Variants in SLC24A4 observed in about 807,000 individuals in gnomAD.
The protein encoded by SLC24A4 is solute carrier family 24 member 4.
In SLC24A4, 53 loss-of-function variants were observed where a neutral mutation model predicts 79.0. The observed-to-expected ratio is 0.67, with a 90% confidence interval of 0.54 to 0.84. The LOEUF is 0.84. Among genes scored for constraint, SLC24A4 ranks in the 40% least tolerant of loss-of-function variants. The pLI is 0.00. For missense variants in SLC24A4, 731 were observed against 822.0 expected (o/e 0.89, Z 1.35); for synonymous variants, 323 against 323.8 (o/e 1.00, Z 0.03).
At chr14:92,404,199 T>C (rs548431065) in intron 2 of SLC24A4, among the ~76,000 whole-genome samples, 1 of 152,366 alleles carries the variant, frequency 6.6e-6, no homozygotes, top group African/African-American at 2.4e-5. Context: ...TATGATCTAA[T>C]GCTACCATCG....
intron 2 of SLC24A4, among the ~76,000 whole-genome samples, chr14:92,429,209 A>T (rs1891727691): frequency 6.6e-6 from 1 of 152,148 alleles, no homozygotes; most frequent in South Asian, 2.1e-4. Context: ...AACCAGGAGT[A>T]GGGGTGCAGG....
intron 2 of SLC24A4, among the ~76,000 whole-genome samples, chr14:92,338,232 T>G (rs1885928891): frequency 6.6e-6 from 1 of 152,206 alleles, no homozygotes; most frequent in Non-Finnish European, 1.5e-5. Context: ...TTTGTCCAAG[T>G]TATTCTGCCT....
intron 2 of SLC24A4, among the ~76,000 whole-genome samples, chr14:92,387,121 G>T (rs1239921024): frequency 2.7e-5 from 4 of 147,400 alleles, no homozygotes; most frequent in Non-Finnish European, 1.5e-5. Flanking sequence ...TGGGGTGGGG[G>T]TTCCAAGGGG....
intron 2 of SLC24A4, among the ~76,000 whole-genome samples, chr14:92,419,248 G>C (rs1891150384): frequency 6.6e-6 from 1 of 152,178 alleles, no homozygotes; most frequent in African/African-American, 2.4e-5. Context: ...CTCAGAGCTA[G>C]AGCGTGCCAG....
chr14:92,373,919 C>T (rs1181082790), intron 2 of SLC24A4, among the ~76,000 whole-genome samples: 1 of 152,134 alleles, frequency 6.6e-6, no homozygotes, highest in Non-Finnish European at 1.5e-5. Flanking sequence ...TATCAATGCC[C>T]CATCTACTCA....
chr14:92,454,319 A>G (rs528914603), intron 11 of SLC24A4, among the ~76,000 whole-genome samples: 2 of 152,346 alleles, frequency 1.3e-5, no homozygotes, highest in South Asian at 4.1e-4. Context: ...GAGTAGAACT[A>G]ATTGGAGAAA....
chr14:92,387,028 C>A (rs958285486), intron 2 of SLC24A4, among the ~76,000 whole-genome samples: 1 of 152,012 alleles, frequency 6.6e-6, no homozygotes, highest in Non-Finnish European at 1.5e-5. Context: ...ACCCTGGCTT[C>A]CGTGAGAATC....
chr14:92,391,304 C>T (rs568127789), intron 2 of SLC24A4, among the ~76,000 whole-genome samples: 8 of 152,326 alleles, frequency 5.3e-5, no homozygotes, highest in African/African-American at 1.7e-4. Flanking sequence ...ACCTTCCGCT[C>T]AGCATCTTTC....
intron 12 of SLC24A4, chr14:92,457,544 A>G (rs1893548669): frequency 6.6e-6 from 1 of 152,646 alleles, no homozygotes; most frequent in Non-Finnish European, 1.5e-5. Context: ...CTGCATCCCC[A>G]GTACCCAGGA....
At chr14:92,467,769 A>G (rs946142187) in intron 12 of SLC24A4, among the ~76,000 whole-genome samples, 3 of 152,246 alleles carry the variant, frequency 2.0e-5, no homozygotes, top group African/African-American at 7.2e-5. Context: ...AGCCCACCCA[A>G]CAGATCTTCA....
chr14:92,379,548 C>T (rs1301634157), intron 2 of SLC24A4, among the ~76,000 whole-genome samples: 2 of 152,076 alleles, frequency 1.3e-5, no homozygotes, highest in Admixed American at 6.5e-5. Flanking sequence ...TGGCAGGAAG[C>T]GCCCCTGCCC....
chr14:92,480,386 C>T (rs921275978), intron 12 of SLC24A4, among the ~76,000 whole-genome samples: 12 of 143,928 alleles, frequency 8.3e-5, no homozygotes, highest in African/African-American at 2.3e-4. Context: ...CTCCACTTCC[C>T]GGGTTCACGC....
intron 2 of SLC24A4, among the ~76,000 whole-genome samples, chr14:92,424,497 A>T (rs111398459): frequency 1.8e-4 from 28 of 152,290 alleles, no homozygotes; most frequent in African/African-American, 5.5e-4. Flanking sequence ...GGTGAAAGGG[A>T]GCCAACCTGT....
rs185549344 is a variant in SLC24A4 at position 92,439,989 on chromosome 14, G to A, written c.393+580G>A. Among the ~76,000 whole-genome samples the A allele has an allele frequency of 1.1e-3, 173 of 152,334 alleles. 2 individuals carry two copies. The highest frequency in any genetic ancestry group is 3.4e-3 in the Middle Eastern group (1 of 292). On this transcript the variant is annotated intron_variant, in intron 4 of 16. Coordinates refer to ENST00000532405, the MANE Select transcript of SLC24A4 (RefSeq NM_153646.4). ...TAGTCAAGGAAGGAAATTGACTTCC[G>A]TTTGCAGCACCTCCTGTGTGTGGAG...
At chr14:92,350,400 A>G (rs1325839078) in intron 2 of SLC24A4, among the ~76,000 whole-genome samples, 1 of 152,200 alleles carries the variant, frequency 6.6e-6, no homozygotes, top group Admixed American at 6.5e-5. Flanking sequence ...AGGTAGAAGC[A>G]ATAATATTCA....
chr14:92,328,412 C>T (rs7149739), intron 2 of SLC24A4, among the ~76,000 whole-genome samples: 59,023 of 152,088 alleles, frequency 0.39, 11,699 homozygotes, highest in Middle Eastern at 0.51. Flanking sequence ...TGAGCAGCCC[C>T]GCAGGAGGCA....
At chr14:92,484,581 G>A (rs1895252887) in intron 13 of SLC24A4, 2 of 985,244 alleles carry the variant, frequency 2.0e-6, no homozygotes, top group Non-Finnish European at 2.4e-6. Context: ...TGTAACTCAG[G>A]AGAGGCAGAA....
At chr14:92,344,647 G>C (rs148168479) in intron 2 of SLC24A4, among the ~76,000 whole-genome samples, 130 of 152,280 alleles carry the variant, frequency 8.5e-4, no homozygotes, top group African/African-American at 3.1e-3. Context: ...GTTTGAGGCT[G>C]TTTAGGATGT....
chr14:92,328,193 C>T (rs1242036294), intron 2 of SLC24A4, among the ~76,000 whole-genome samples: 1 of 152,214 alleles, frequency 6.6e-6, no homozygotes. Flanking sequence ...CATCTTCCTC[C>T]CTGGCCTATG....
Sources: gnomAD v4.1 joint callset for allele counts (sites outside exome capture counted in the v4.1 genomes callset) on GRCh38, gnomAD v4.1.1 for gene constraint, MANE v1.5 for transcripts, NCBI Gene and HGNC (gene_info 2026-07-23, HGNC 2026-07-21) for gene names.